KBTBD6: variants seen among roughly 807,000 people sequenced by gnomAD.
KBTBD6 encodes the protein kelch repeat and BTB domain containing 6.
Under a neutral mutation model 34.4 loss-of-function variants are expected in KBTBD6, and 6 were observed. The observed-to-expected ratio is 0.17, with a 90% CI of 0.10 to 0.34. The LOEUF (loss-of-function observed/expected upper bound fraction) is 0.34. KBTBD6 is among the 10% of genes least tolerant of loss of function. KBTBD6 has a pLI of 1.00. For missense variants in KBTBD6, 557 were observed against 856.0 expected (o/e 0.65, Z 4.36); for synonymous variants, 288 against 327.2 (o/e 0.88, Z 1.29).
chr13:41,131,884 G>C lies in KBTBD6; in HGVS notation c.628C>G (p.Arg210Gly). The C allele has an allele frequency of 3.7e-6, 6 of 1,614,252 alleles. No homozygotes were observed. Among genetic ancestry groups the C allele is most frequent in the Non-Finnish European group, 5.1e-6 (6 of 1,180,050 alleles). Residue 210 changes from arginine (R) to glycine (G), a missense_variant, in exon 1 of 1, where the codon CGG (arginine) becomes GGG (glycine). Transcript: ENST00000379485. The surrounding 1 kb of genome is among the most constrained non-coding windows in gnomAD (Gnocchi z 5.8). Reference protein sequence around the residue: ...FKQLSHMGSIREETLADLTLA... With the variant: ...FKQLSHMGSIGEETLADLTLA... ...GTCAGATCTGCTAGAGTCTCCTCCC[G>C]AATTGAACCCATGTGGCTGAGTTGC...
Position 41,130,433 on chromosome 13 carries a change from AAAC to A in KBTBD6, c.*51_*53del, listed in dbSNP as rs1246113180. The A allele has an allele frequency of 1.8e-5, 24 of 1,323,880 alleles. No homozygotes were observed. Among genetic ancestry groups the A allele is most frequent in the Non-Finnish European group, 2.1e-6 (2 of 957,476 alleles). 82.0% of individuals were successfully genotyped at this position (1,323,880 alleles called of 1,614,324 possible). ...TTTAAGATATTTTCCAAAACAGTAA[AAAC>A]AACTTAGTGTTTCAATCTAGTTACA... On this transcript the variant is annotated 3_prime_UTR_variant, in exon 1 of 1. Transcript: ENST00000379485. This position sits in a 1 kb window ranked among gnomAD's most constrained non-coding sequence, Gnocchi z 4.8.
Position 41,129,649 on chromosome 13 carries a change from CTTTTT to C in KBTBD6, c.*833_*837del, listed in dbSNP as rs1217628137. On this transcript the variant is annotated 3_prime_UTR_variant, in exon 1 of 1. Transcript: ENST00000379485. ...CCCTAATACACATATGGTTTTTTTTCTTTTTTTTTTTTCCTTTTTTTTTTTTTTTT... is the reference window on the plus strand; with the variant it reads ...CCCTAATACACATATGGTTTTTTTTCTTTTTTTCCTTTTTTTTTTTTTTTT... The C allele has an allele frequency of 8.5e-6, 1 of 117,678 alleles. No homozygotes were observed. The highest frequency in any genetic ancestry group is 3.2e-5 in the African/African-American group (1 of 30,870). 7.3% of individuals were successfully genotyped at this position (117,678 alleles called of 1,614,324 possible). A position where few individuals can be genotyped will look rare whatever the true frequency, so the allele number is the denominator to read the frequency against.
In KBTBD6 at chr13:41,128,768, T is replaced by C. The variant is rs562703839; in HGVS notation, c.*1719A>G. ...CCGAACTCCTAGACTCAAGTGATCC[T>C]ACATTCAAGTGATCCTCCCAAGTAA... On this transcript the variant is annotated 3_prime_UTR_variant, in exon 1 of 1. Transcript: ENST00000379485. 1.3e-4 allele frequency: 45 copies of C among 333,354 alleles called. No homozygotes were observed. Among genetic ancestry groups the C allele is most frequent in the African/African-American group, 8.8e-4 (42 of 47,682 alleles). 20.6% of individuals were successfully genotyped at this position (333,354 alleles called of 1,614,324 possible).
chr13:41,132,679 C>G lies in KBTBD6; in HGVS notation c.-168G>C, dbSNP rs1419259930. 2 of 778,878 alleles carry G rather than the reference C, an allele frequency of 2.6e-6. No homozygotes were observed. Among genetic ancestry groups the G allele is most frequent in the Non-Finnish European group, 4.1e-6 (2 of 487,402 alleles). The allele number at this position is 778,878 out of a possible 1,614,324, so 48.2% of individuals were successfully genotyped here. A position where few individuals can be genotyped will look rare whatever the true frequency, so the allele number is the denominator to read the frequency against. On this transcript the variant is annotated 5_prime_UTR_variant, in exon 1 of 1. Coordinates refer to ENST00000379485, the MANE Select transcript of KBTBD6 (RefSeq NM_152903.5). ...ACCCCGCAGAACCGCCTCCCGTTAT[C>G]GTTTAGACAGTGGCTGACTCACCCT... is the stretch of plus-strand genomic sequence containing the variant.
chr13:41,128,589 G>A lies in KBTBD6; in HGVS notation c.*1898C>T. ...TTTTAGAGAAAACATACTTTCACTAGTGGCCTCAAATGCCATCATCCACTT... is the reference window on the plus strand; with the variant it reads ...TTTTAGAGAAAACATACTTTCACTAATGGCCTCAAATGCCATCATCCACTT... On this transcript the variant is annotated 3_prime_UTR_variant, in exon 1 of 1. Transcript: ENST00000379485. The A allele has an allele frequency of 2.5e-6, 1 of 396,722 alleles. No individual in the cohort carries two copies. The allele number at this position is 396,722 out of a possible 1,614,324, so 24.6% of individuals were successfully genotyped here. A position where few individuals can be genotyped will look rare whatever the true frequency, so the allele number is the denominator to read the frequency against.
rs189671517 is a variant in KBTBD6, at chr13:41,129,351, T to C, written c.*1136A>G. The C allele has an allele frequency of 2.0e-5, 3 of 152,300 alleles. No individual in the cohort carries two copies. Among genetic ancestry groups the C allele is most frequent in the Non-Finnish European group, 4.4e-5 (3 of 68,000 alleles). 9.4% of individuals were successfully genotyped at this position (152,300 alleles called of 1,614,324 possible). A position where few individuals can be genotyped will look rare whatever the true frequency, so the allele number is the denominator to read the frequency against. On this transcript the variant is annotated 3_prime_UTR_variant, in exon 1 of 1. Transcript: ENST00000379485. Reference sequence around the variant, plus strand: ...ATGTCCAGCAGAAAAAAAAGGATTATTCCTGATTAAATGAAGCATGTATCA... The same window carrying C: ...ATGTCCAGCAGAAAAAAAAGGATTACTCCTGATTAAATGAAGCATGTATCA...
Position 41,132,274 on chromosome 13 carries a change from G to A in KBTBD6, c.238C>T (p.Arg80Cys). The change falls in exon 1 of 1, where the codon CGC (arginine) becomes TGC (cysteine). Residue 80 changes from arginine to cysteine, a missense_variant. Transcript: ENST00000379485. ...ACATTGCGGTTGCAGGGGAACAGGC[G>A]ACCCGTGCCAGGCCCGCTGCCAGGC... ...VTPGSGPGTG[R>C]LFPCNRNVLA... The A allele has an allele frequency of 6.2e-7, 1 of 1,614,220 alleles. No individual in the cohort carries two copies. The highest frequency in any genetic ancestry group is 8.5e-7 in the Non-Finnish European group (1 of 1,180,044).
chr13:41,131,653 C>G lies in KBTBD6; in HGVS notation c.859G>C (p.Val287Leu). ...ATAACGTCCAGGCAGTACTTCTTCA[C>G]GATGGGCTTGGTCAGCAGCCCTTCT... ...YLEGLLTKPI[V>L]KKYCLDVIEG... Residue 287 changes from valine to leucine, a missense_variant, in exon 1 of 1, where the codon GTG becomes CTG. By Grantham distance (32) the Val-to-Leu change is conservative. This residue lies in a region of KBTBD6 where 309 missense variants were observed against 504.5 expected (regional missense o/e 0.61). Transcript: ENST00000379485. The surrounding 1 kb of genome is among the most constrained non-coding windows in gnomAD (Gnocchi z 5.8). 1.9e-6 allele frequency: 3 copies of G among 1,613,926 alleles called. No individual in the cohort carries two copies. Among genetic ancestry groups the G allele is most frequent in the South Asian group, 1.1e-5 (1 of 91,080 alleles).
Position 41,128,005 on chromosome 13 carries a change from C to T in KBTBD6, c.*2482G>A, listed in dbSNP as rs2030023336. The T allele has an allele frequency of 6.6e-6, 1 of 152,202 alleles. No individual in the cohort carries two copies. The highest frequency in any genetic ancestry group is 1.5e-5 in the Non-Finnish European group (1 of 68,048). 9.4% of individuals were successfully genotyped at this position (152,202 alleles called of 1,614,324 possible). A position where few individuals can be genotyped will look rare whatever the true frequency, so the allele number is the denominator to read the frequency against. ...TTTTGAAGCACATACTAGTATGGCA[C>T]ATTTTATTTCACTAAAAGTGATGTT... On this transcript the variant is annotated 3_prime_UTR_variant, in exon 1 of 1. Coordinates refer to ENST00000379485, the MANE Select transcript of KBTBD6 (RefSeq NM_152903.5).
In KBTBD6 at chr13:41,131,025, C is replaced by T; in HGVS notation, c.1487G>A (p.Cys496Tyr). The T allele has an allele frequency of 2.5e-6, 4 of 1,614,122 alleles. No homozygotes were observed. The highest frequency in any genetic ancestry group is 3.4e-6 in the Non-Finnish European group (4 of 1,180,004). The change falls in exon 1 of 1, where the codon TGT becomes TAT. Residue 496 changes from cysteine (C) to tyrosine (Y), a missense_variant. Cys to Tyr is a radical substitution (Grantham distance 194). Around this residue, in one of 4 missense-constraint regions of KBTBD6, gnomAD observed 309 missense variants for 504.5 expected, o/e 0.61. Coordinates refer to ENST00000379485, the MANE Select transcript of KBTBD6 (RefSeq NM_152903.5). This position sits in a 1 kb window ranked among gnomAD's most constrained non-coding sequence, Gnocchi z 5.8. ...CCACATATTGTGGCTAGGATCATAA[C>T]AGAACATGCGCTTACTGTTGAGAGC... ...LYALNSKRMF[C>Y]YDPSHNMWLK...
In KBTBD6 at chr13:41,131,654, G is replaced by T; in HGVS notation, c.858C>A (p.Ile286=). 1 of 1,613,912 alleles carries T rather than the reference G, an allele frequency of 6.2e-7. No individual in the cohort carries two copies. The highest frequency in any genetic ancestry group is 8.5e-7 in the Non-Finnish European group (1 of 1,179,838). The stretch of plus-strand genomic sequence containing the variant: ...TAACGTCCAGGCAGTACTTCTTCAC[G>T]ATGGGCTTGGTCAGCAGCCCTTCTA... ...DYLEGLLTKP[I]VKKYCLDVIE... The change falls in exon 1 of 1, where the codon ATC becomes ATA. Residue 286 remains isoleucine, a synonymous_variant. Coordinates refer to ENST00000379485, the MANE Select transcript of KBTBD6 (RefSeq NM_152903.5). The surrounding 1 kb of genome is among the most constrained non-coding windows in gnomAD (Gnocchi z 5.8).
At position 41,132,575 on chromosome 13, in the gene KBTBD6, C is replaced by A. The variant is rs2030129746; in HGVS notation, c.-64G>T. 4 of 1,542,204 alleles carry A rather than the reference C, an allele frequency of 2.6e-6. No homozygotes were observed. Among genetic ancestry groups the A allele is most frequent in the Non-Finnish European group, 3.5e-6 (4 of 1,134,468 alleles). Reference sequence around the variant, plus strand: ...GCAGGACCCGGCTCTGGCTCCTCCTCAACCTTCCCTCGCTGACGCTAAGAT... The same window carrying A: ...GCAGGACCCGGCTCTGGCTCCTCCTAAACCTTCCCTCGCTGACGCTAAGAT... On this transcript the variant is annotated 5_prime_UTR_variant, in exon 1 of 1. The change abolishes the stop of an existing upstream ORF in the 5' untranslated region. Coordinates refer to ENST00000379485, the MANE Select transcript of KBTBD6 (RefSeq NM_152903.5).
In KBTBD6 at chr13:41,131,050, C is replaced by A; in HGVS notation, c.1462G>T (p.Ala488Ser). ...DLMVIRDYLY[A>S]LNSKRMFCYD... ...CAGAACATGCGCTTACTGTTGAGAG[C>A]ATAGAGATAGTCTCGAATTACCATT... The change falls in exon 1 of 1, where the codon GCT becomes TCT. Residue 488 changes from alanine (A) to serine (S), a missense_variant. Physicochemically the swap from Ala to Ser is moderately conservative, Grantham distance 99. Around this residue, in one of 4 missense-constraint regions of KBTBD6, gnomAD observed 309 missense variants for 504.5 expected, o/e 0.61. Transcript: ENST00000379485. The surrounding 1 kb of genome is among the most constrained non-coding windows in gnomAD (Gnocchi z 5.8). The A allele has an allele frequency of 1.2e-6, 2 of 1,614,132 alleles. No homozygotes were observed. Among genetic ancestry groups the A allele is most frequent in the Non-Finnish European group, 8.5e-7 (1 of 1,180,032 alleles).
chr13:41,131,368 C>T lies in KBTBD6; in HGVS notation c.1144G>A (p.Val382Ile). 3.1e-6 allele frequency: 5 copies of T among 1,614,156 alleles called. No individual in the cohort carries two copies. Among genetic ancestry groups the T allele is most frequent in the Non-Finnish European group, 4.2e-6 (5 of 1,180,016 alleles). The change falls in exon 1 of 1, where the codon GTC becomes ATC. Residue 382 changes from valine (V) to isoleucine (I), a missense_variant. Val to Ile is a conservative substitution (Grantham distance 29). Coordinates refer to ENST00000379485, the MANE Select transcript of KBTBD6 (RefSeq NM_152903.5). The surrounding 1 kb of genome is among the most constrained non-coding windows in gnomAD (Gnocchi z 5.8). ...PLTCLAHTRTVTTLAVCISPD... is the reference protein window; with the variant it reads ...PLTCLAHTRTITTLAVCISPD... Reference sequence around the variant, plus strand: ...GAGATACAGACAGCTAAAGTGGTGACAGTCCTAGTGTGAGCCAGACAGGTC... The same window carrying T: ...GAGATACAGACAGCTAAAGTGGTGATAGTCCTAGTGTGAGCCAGACAGGTC...
Position 41,132,098 on chromosome 13 carries a change from C to T in KBTBD6, c.414G>A (p.Glu138=). The T allele has an allele frequency of 6.2e-7, 1 of 1,614,236 alleles. No homozygotes were observed. The highest frequency in any genetic ancestry group is 8.5e-7 in the Non-Finnish European group (1 of 1,180,050). The change falls in exon 1 of 1, where the codon GAG becomes GAA. Residue 138 remains glutamate (E), a synonymous_variant. Transcript: ENST00000379485. ...CCGCGTACAGGCGCTCCACGTTGGCCTCACTGAGAGACACACGACCCGTGT... is the reference window on the plus strand; with the variant it reads ...CCGCGTACAGGCGCTCCACGTTGGCTTCACTGAGAGACACACGACCCGTGT... ...YCYTGRVSLS[E]ANVERLYAAS...
Position 41,131,208 on chromosome 13 carries a change from C to T in KBTBD6, c.1304G>A (p.Gly435Asp). 1 of 1,614,176 alleles carries T rather than the reference C, an allele frequency of 6.2e-7. No homozygotes were observed. Among genetic ancestry groups the T allele is most frequent in the Non-Finnish European group, 8.5e-7 (1 of 1,180,028 alleles). ...REGMDVAYLN[G>D]YIYILGGRDP... Reference sequence around the variant, plus strand: ...TCGCCCCCCCAAAATGTAGATATAGCCATTGAGATATGCCACATCCATGCC... The same window carrying T: ...TCGCCCCCCCAAAATGTAGATATAGTCATTGAGATATGCCACATCCATGCC... The change falls in exon 1 of 1, where the codon GGC becomes GAC. Residue 435 changes from glycine to aspartate, a missense_variant. Physicochemically the swap from Gly to Asp is moderately conservative, Grantham distance 94. This residue lies in a region of KBTBD6 where 309 missense variants were observed against 504.5 expected (regional missense o/e 0.61). Transcript: ENST00000379485. The surrounding 1 kb of genome is among the most constrained non-coding windows in gnomAD (Gnocchi z 5.8).
In KBTBD6 at chr13:41,128,754, G is replaced by C. The variant is rs1249939519; in HGVS notation, c.*1733C>G. On this transcript the variant is annotated 3_prime_UTR_variant, in exon 1 of 1. Transcript: ENST00000379485. ...TGATAGCTGCAGCCCCGAACTCCTA[G>C]ACTCAAGTGATCCTACATTCAAGTG... is the stretch of plus-strand genomic sequence containing the variant. The C allele has an allele frequency of 5.8e-6, 2 of 344,660 alleles. No homozygotes were observed. Among genetic ancestry groups the C allele is most frequent in the Non-Finnish European group, 1.0e-5 (2 of 191,008 alleles). The allele number at this position is 344,660 out of a possible 1,614,324, so 21.4% of individuals were successfully genotyped here.
Position 41,128,884 on chromosome 13 carries a change from C to G in KBTBD6, c.*1603G>C, listed in dbSNP as rs1566227527. 2 of 183,856 alleles carry G rather than the reference C, an allele frequency of 1.1e-5. No individual in the cohort carries two copies. The allele number at this position is 183,856 out of a possible 1,614,324, so 11.4% of individuals were successfully genotyped here. A position where few individuals can be genotyped will look rare whatever the true frequency, so the allele number is the denominator to read the frequency against. On this transcript the variant is annotated 3_prime_UTR_variant, in exon 1 of 1. Transcript: ENST00000379485. ...CTATGTTGCCCAGGCTGGTCTCAAA[C>G]TCCTGGGCTGAAGCAATCCTCCCAC...
rs748914174 is a variant in KBTBD6 at position 41,132,071 on chromosome 13, G to A, written c.441C>T (p.Ala147=). The A allele has an allele frequency of 1.9e-6, 3 of 1,614,224 alleles. No individual in the cohort carries two copies. The highest frequency in any genetic ancestry group is 3.3e-5 in the Admixed American group (2 of 60,032). ...SEANVERLYA[A]SDMLQLEYVR... ...CATATTCCAGCTGTAGCATGTCGGA[G>A]GCCGCGTACAGGCGCTCCACGTTGG... The change falls in exon 1 of 1, where the codon GCC becomes GCT. Residue 147 remains alanine, a synonymous_variant. Transcript: ENST00000379485.
Sources: allele counts gnomAD v4.1 joint callset, GRCh38; gene constraint gnomAD v4.1.1; regional missense constraint gnomAD v4.1.1; non-coding constraint Gnocchi (gnomAD v3.1); transcripts MANE v1.5; gene names NCBI Gene and HGNC (gene_info 2026-07-23, HGNC 2026-07-21).